TMEM62: variants seen among roughly 807,000 people sequenced by gnomAD.
TMEM62 encodes the protein transmembrane protein 62.
A neutral mutation model predicts 70.4 loss-of-function variants in TMEM62; 41 were observed. That is an observed-to-expected ratio of 0.58 (90% CI 0.45 to 0.76). The LOEUF is 0.76. Ranked by LOEUF, TMEM62 falls within the 30% of genes least tolerant of loss-of-function variation. The pLI is 0.00. For synonymous variants in TMEM62, 268 were observed against 291.0 expected, an observed-to-expected ratio of 0.92 and a Z score of 0.80; for missense variants, 688 against 788.5, an observed-to-expected ratio of 0.87 and a Z score of 1.53.
rs1169921008 is a variant in TMEM62, at chr15:43,162,433, C to CTTTTTTTTTTTTTTT, written c.1296+1652_1296+1653insTTTTTTTTTTTTTTT. Among the ~76,000 whole-genome samples, 99 of 136,964 alleles carry CTTTTTTTTTTTTTTT rather than the reference C, an allele frequency of 7.2e-4. 1 individual carries two copies. Among genetic ancestry groups the CTTTTTTTTTTTTTTT allele is most frequent in the African/African-American group, 2.9e-3 (94 of 32,502 alleles). The allele number at this position is 136,964 out of a possible 152,430, so 89.9% of individuals were successfully genotyped here. ...CAGGCGTGAGCCACTGCCCCTGGCC[C>CTTTTTTTTTTTTTTT]TTTTTTTTTTTTTGTTGAGCTGGAG... On this transcript the variant is annotated intron_variant, in intron 10 of 13. Transcript: ENST00000260403.
chr15:43,176,605 C>T (rs964339995), intron 11 of TMEM62, among the ~76,000 whole-genome samples: 33 of 151,056 alleles, frequency 2.2e-4, no homozygotes, highest in Admixed American at 6.6e-4. Context: ...CAAACTCCAA[C>T]AGACCTGCAG....
chr15:43,167,992 C>T (rs547116037), intron 10 of TMEM62, among the ~76,000 whole-genome samples: 3 of 152,038 alleles, frequency 2.0e-5, no homozygotes, highest in Non-Finnish European at 2.9e-5. Context: ...GGCGTGGCGG[C>T]GCACGCCTGC....
rs756402753 is a variant in TMEM62 at position 43,151,946 on chromosome 15, G to C, written c.1022+1G>C. ...GACTTCTTCACTCAACACACATCAG[G>C]TATGTAGCAATTTTTTAGAATTTAC... On this transcript the variant is annotated splice_donor_variant, in intron 8 of 13. Transcript: ENST00000260403. LOFTEE classifies it high-confidence loss of function. The C allele has an allele frequency of 6.3e-7, 1 of 1,588,318 alleles. No individual in the cohort carries two copies. Among genetic ancestry groups the C allele is most frequent in the South Asian group, 1.2e-5 (1 of 86,670 alleles).
At chr15:43,156,054 A>G (rs1413302630) in intron 9 of TMEM62, among the ~76,000 whole-genome samples, 1 of 152,124 alleles carries the variant, frequency 6.6e-6, no homozygotes, top group Non-Finnish European at 1.5e-5. Context: ...ACACACACAC[A>G]CACCTGTCAA....
chr15:43,150,274 A>G lies in TMEM62; in HGVS notation c.866+1123A>G, dbSNP rs12324844. Among the ~76,000 whole-genome samples the G allele has an allele frequency of 9.2e-3, 1,398 of 152,328 alleles. 33 individuals carry two copies. The highest frequency in any genetic ancestry group is 0.033 in the African/African-American group (1,354 of 41,572). On this transcript the variant is annotated intron_variant, in intron 7 of 13. Coordinates refer to ENST00000260403, the MANE Select transcript of TMEM62 (RefSeq NM_024956.4). ...ACTTTGAGCTAAGAGTTGTCTGTTCATGGCTGTGAGGCTGTGGGCTGGGCT... is the reference window on the plus strand; with the variant it reads ...ACTTTGAGCTAAGAGTTGTCTGTTCGTGGCTGTGAGGCTGTGGGCTGGGCT...
chr15:43,138,499 T>C, intron 3 of TMEM62, 75 bp from the exon 4 acceptor site: 5 of 1,176,816 alleles, frequency 4.2e-6, no homozygotes, highest in Non-Finnish European at 6.2e-6. Context: ...TATTTTCCCT[T>C]AGTCATTAAA....
intron 11 of TMEM62, among the ~76,000 whole-genome samples, chr15:43,175,085 T>G (rs888470186): frequency 2.0e-5 from 3 of 152,202 alleles, no homozygotes; most frequent in Non-Finnish European, 4.4e-5. Flanking sequence ...TAGGTTATTC[T>G]AATGTGCAGC....
At chr15:43,167,681 G>A (rs2039678368) in intron 10 of TMEM62, among the ~76,000 whole-genome samples, 1 of 151,076 alleles carries the variant, frequency 6.6e-6, no homozygotes, top group African/African-American at 2.4e-5. Flanking sequence ...CCCAGACGAT[G>A]GGCGGCCAGG....
chr15:43,169,725 A>G, intron 11 of TMEM62, 48 bp downstream of exon 11: 1 of 1,487,796 alleles, frequency 6.7e-7, no homozygotes, highest in Non-Finnish European at 9.3e-7. Context: ...CATGGAAAAA[A>G]CCAAACTCCG....
chr15:43,154,243 TA>T (rs754831128), intron 8 of TMEM62, among the ~76,000 whole-genome samples: 255 of 152,294 alleles, frequency 1.7e-3, no homozygotes, highest in Non-Finnish European at 2.0e-3. Flanking sequence ...TAGTTCTGGT[TA>T]TAACCCTGTT....
intron 7 of TMEM62, 55 bp from the exon 8 acceptor site, chr15:43,151,735 A>G: frequency 6.6e-7 from 1 of 1,522,540 alleles, no homozygotes; most frequent in Non-Finnish European, 9.0e-7. Flanking sequence ...TATTACCTTC[A>G]TGACCTCTTA....
intron 10 of TMEM62, among the ~76,000 whole-genome samples, chr15:43,168,237 C>T (rs2039804169): frequency 6.7e-6 from 1 of 148,658 alleles, no homozygotes. Flanking sequence ...TTTCTTTCCT[C>T]ACTTTTCCCC....
chr15:43,178,561 GAA>G (rs770998645), intron 11 of TMEM62, 44 bp from the exon 12 acceptor site: 1 of 1,220,100 alleles, frequency 8.2e-7, no homozygotes, highest in East Asian at 2.3e-5. Context: ...TAAAGAAACT[GAA>G]CTTTGCATGT....
At chr15:43,162,180 C>T (rs555094245) in intron 10 of TMEM62, among the ~76,000 whole-genome samples, 1 of 152,108 alleles carries the variant, frequency 6.6e-6, no homozygotes, top group East Asian at 1.9e-4. Context: ...CTCTGTCACC[C>T]AGGCTGGAGT....
intron 11 of TMEM62, 142 bp from the exon 12 acceptor site, chr15:43,178,465 G>C (rs1007661090): frequency 1.6e-5 from 8 of 493,462 alleles, no homozygotes; most frequent in Non-Finnish European, 2.9e-5. Context: ...TGAATTTAAA[G>C]TGGTGTCATC....
Position 43,134,313 on chromosome 15 carries a change from G to A in TMEM62, c.237G>A (p.Glu79=), listed in dbSNP as rs376300591. ...ATCCAGGCAGAGCGGTAGACTTAGA[G>A]AAATTCTGTTCTGAAACTATTGACA... ...FRDPGRAVDL[E]KFCSETIDII... is the part of the protein sequence containing the mutation. Residue 79 remains glutamate, a synonymous_variant, in exon 2 of 14, where the codon GAG becomes GAA. Transcript: ENST00000260403. The A allele has an allele frequency of 6.2e-7, 1 of 1,614,194 alleles. No individual in the cohort carries two copies. Among genetic ancestry groups the A allele is most frequent in the East Asian group, 2.2e-5 (1 of 44,884 alleles).
At chr15:43,163,510 C>T (rs552573906) in intron 10 of TMEM62, among the ~76,000 whole-genome samples, 4 of 152,062 alleles carry the variant, frequency 2.6e-5, no homozygotes, top group East Asian at 1.9e-4. Flanking sequence ...GGGCCGGGCT[C>T]GGTGGCTCAA....
chr15:43,184,645 G>A lies in TMEM62; in HGVS notation c.*59G>A. 6.7e-7 allele frequency: 1 copy of A among 1,497,322 alleles called. No homozygotes were observed. Among genetic ancestry groups the A allele is most frequent in the African/African-American group, 1.4e-5 (1 of 72,004 alleles). 92.8% of individuals were successfully genotyped at this position (1,497,322 alleles called of 1,614,324 possible). A position where few individuals can be genotyped will look rare whatever the true frequency, so the allele number is the denominator to read the frequency against. Reference sequence around the variant, plus strand: ...GCCCAGCCTCTGTGTCTGTAGCCCAGGCCTCTACCCCAGTAGCAGGTGGAG... The same window carrying A: ...GCCCAGCCTCTGTGTCTGTAGCCCAAGCCTCTACCCCAGTAGCAGGTGGAG... On this transcript the variant is annotated 3_prime_UTR_variant, in exon 14 of 14. Coordinates refer to ENST00000260403, the MANE Select transcript of TMEM62 (RefSeq NM_024956.4).
At position 43,133,824 on chromosome 15, in the gene TMEM62, A is replaced by C. The variant is rs2034744132; in HGVS notation, c.22A>C (p.Arg8=). 2 of 1,447,898 alleles carry C rather than the reference A, an allele frequency of 1.4e-6. No individual in the cohort carries two copies. Among genetic ancestry groups the C allele is most frequent in the Non-Finnish European group, 1.8e-6 (2 of 1,107,192 alleles). The allele number at this position is 1,447,898 out of a possible 1,614,324, so 89.7% of individuals were successfully genotyped here. A position where few individuals can be genotyped will look rare whatever the true frequency, so the allele number is the denominator to read the frequency against. The change falls in exon 1 of 14, where the codon AGG becomes CGG. Residue 8 remains arginine, a synonymous_variant. Coordinates refer to ENST00000260403, the MANE Select transcript of TMEM62 (RefSeq NM_024956.4). ...CGGCATGGCTGCAGTGCTGGCTCTC[A>C]GGGTGGTCGCGGGGTTGGCGGCCGC... The part of the protein sequence containing the change: MAAVLAL[R]VVAGLAAAAL...
Sources: allele counts gnomAD v4.1 joint callset (sites outside exome capture counted in the v4.1 genomes callset), GRCh38; gene constraint gnomAD v4.1.1; transcripts MANE v1.5; gene names NCBI Gene and HGNC (gene_info 2026-07-23, HGNC 2026-07-21).